DPP6: variants seen among roughly 807,000 people sequenced by gnomAD.
The protein encoded by DPP6 is A-type potassium channel modulatory protein DPP6.
A neutral mutation model predicts 122.6 loss-of-function variants in DPP6; 69 were observed. The ratio of observed to expected loss-of-function variants is 0.56; its 90% CI spans 0.46 to 0.69. DPP6 has a LOEUF of 0.69. DPP6 is among the 30% of genes least tolerant of loss of function. The pLI is 0.00. For missense variants in DPP6, 928 were observed against 1,116.9 expected, an observed-to-expected ratio of 0.83 and a Z score of 2.41; for synonymous variants, 418 against 433.1, an observed-to-expected ratio of 0.97 and a Z score of 0.43.
At chr7:153,863,141 C>A in the DPP6 span, among the ~76,000 whole-genome samples, 1 of 152,134 alleles carries the variant, frequency 6.6e-6, no homozygotes, top group Non-Finnish European at 1.5e-5. Flanking sequence ...TAACTCTACC[C>A]ATCATGTATT....
intron 1 of DPP6, among the ~76,000 whole-genome samples, chr7:154,063,890 T>C (rs567193509): frequency 6.6e-6 from 1 of 151,548 alleles, no homozygotes; most frequent in African/African-American, 2.4e-5. Flanking sequence ...AGGAGAATCA[T>C]GTCAGGAGCT....
chr7:154,626,216 A>G (rs1389544563), intron 5 of DPP6, among the ~76,000 whole-genome samples: 2 of 152,228 alleles, frequency 1.3e-5, no homozygotes, highest in Non-Finnish European at 2.9e-5. Context: ...CTGAAGACAC[A>G]TAGGAGCAGC....
At chr7:154,859,560 A>AC (rs991350807) in intron 17 of DPP6, among the ~76,000 whole-genome samples, 50 of 152,214 alleles carry the variant, frequency 3.3e-4, no homozygotes, top group African/African-American at 1.1e-3. Flanking sequence ...TCCCCCACTG[A>AC]CCCCAAAACC....
chr7:154,396,923 C>T (rs576625522), intron 1 of DPP6, among the ~76,000 whole-genome samples: 7 of 151,988 alleles, frequency 4.6e-5, no homozygotes, highest in South Asian at 2.1e-4. Flanking sequence ...CCAGCCTGGG[C>T]GACAGAGCAA....
chr7:154,099,847 C>G (rs1433666536), intron 1 of DPP6, among the ~76,000 whole-genome samples: 1 of 134,520 alleles, frequency 7.4e-6, no homozygotes, highest in Admixed American at 7.5e-5. Context: ...GAAGCTATTG[C>G]AGTAATCGAG....
At chr7:153,901,889 A>C (rs1260892895) in intron 1 of DPP6, among the ~76,000 whole-genome samples, 1 of 152,154 alleles carries the variant, frequency 6.6e-6, no homozygotes, top group East Asian at 1.9e-4. Flanking sequence ...TGAGCTCCTT[A>C]ATATTAAATG....
intron 1 of DPP6, among the ~76,000 whole-genome samples, chr7:154,060,326 A>ACT (rs1801566959): frequency 9.1e-6 from 1 of 110,070 alleles, no homozygotes; most frequent in Non-Finnish European, 2.0e-5. Flanking sequence ...CCCCCATCGC[A>ACT]GGAGGGGGAG....
the DPP6 span, among the ~76,000 whole-genome samples, chr7:153,786,649 G>A: frequency 6.8e-6 from 1 of 147,952 alleles, no homozygotes; most frequent in African/African-American, 2.5e-5. Flanking sequence ...TGAGGCAGGA[G>A]AATGGCGTGA....
the DPP6 span, among the ~76,000 whole-genome samples, chr7:153,819,489 G>A: frequency 1.3e-5 from 2 of 151,680 alleles, no homozygotes; most frequent in African/African-American, 4.9e-5. Flanking sequence ...GAAACGTCCT[G>A]CAGCTGTGGT....
intron 6 of DPP6, 115 bp downstream of exon 6, chr7:154,637,988 C>G (rs989919156): frequency 8.5e-7 from 1 of 1,170,926 alleles, no homozygotes; most frequent in African/African-American, 1.5e-5. Flanking sequence ...GTTCTCACAG[C>G]CAAGGGTGCT....
intron 1 of DPP6, among the ~76,000 whole-genome samples, chr7:153,957,448 G>A (rs369520336): frequency 4.6e-5 from 7 of 152,170 alleles, no homozygotes; most frequent in African/African-American, 9.7e-5. Flanking sequence ...TCAGGCTTTC[G>A]GAGTTTTTGA....
chr7:154,266,604 G>A (rs1803436764), intron 1 of DPP6, among the ~76,000 whole-genome samples: 1 of 152,110 alleles, frequency 6.6e-6, no homozygotes, highest in Non-Finnish European at 1.5e-5. Context: ...AAGAATATTT[G>A]TTCATTCTGT....
intron 1 of DPP6, among the ~76,000 whole-genome samples, chr7:154,266,735 A>T (rs962009636): frequency 6.6e-6 from 1 of 152,352 alleles, no homozygotes; most frequent in South Asian, 2.1e-4. Context: ...CAATGAAATG[A>T]TTCCACCAGA....
intron 18 of DPP6, among the ~76,000 whole-genome samples, chr7:154,871,929 G>A (rs1804433248): frequency 2.0e-5 from 3 of 152,226 alleles, no homozygotes; most frequent in Admixed American, 2.0e-4. Flanking sequence ...GCAGGTTTTT[G>A]AGGTTTGGTT....
chr7:154,073,481 A>T (rs1461688279), intron 1 of DPP6, among the ~76,000 whole-genome samples: 1 of 152,252 alleles, frequency 6.6e-6, no homozygotes, highest in Admixed American at 6.5e-5. Context: ...TTAGTGTTTT[A>T]TACATCAGTT....
chr7:154,635,358 G>A (rs887836990), intron 5 of DPP6, among the ~76,000 whole-genome samples: 11 of 151,844 alleles, frequency 7.2e-5, no homozygotes, highest in Admixed American at 3.9e-4. Context: ...CTTCCTCTGA[G>A]TGCTTCAGTC....
intron 5 of DPP6, among the ~76,000 whole-genome samples, chr7:154,607,690 T>G (rs1393400546): frequency 2.5e-5 from 3 of 118,608 alleles, no homozygotes; most frequent in African/African-American, 8.0e-5. Flanking sequence ...ATGAACTTAT[T>G]ATAGTCCTGT....
At chr7:154,553,758 T>G (rs1829808349) in intron 4 of DPP6, among the ~76,000 whole-genome samples, 3 of 152,106 alleles carry the variant, frequency 2.0e-5, no homozygotes, top group Admixed American at 2.0e-4. Flanking sequence ...ATTCCATTAC[T>G]GAGAAGGAAG....
In DPP6 at chr7:153,950,762, A is replaced by G. The variant is rs575549451; in HGVS notation, c.51+63028A>G. ...GAAAATAAGAAGGAGCAGAGGGCAG[A>G]GAAGATGGAGATGCAGACATGGACA... On this transcript the variant is annotated intron_variant, in intron 1 of 25. Coordinates refer to the DPP6 transcript ENST00000404039. Among the ~76,000 whole-genome samples the G allele has an allele frequency of 2.0e-5, 3 of 152,332 alleles. 1 individual carries two copies. The South Asian group carries it at 6.2e-4, about 32-fold the overall frequency.
Sources: allele counts gnomAD v4.1 joint callset (sites outside exome capture counted in the v4.1 genomes callset), GRCh38; gene constraint gnomAD v4.1.1; transcripts MANE v1.5; gene names NCBI Gene and HGNC (gene_info 2026-07-23, HGNC 2026-07-21).